The following ITGA4 variants were observed in gnomAD, a reference collection of about 807,000 sequenced individuals.
ITGA4 encodes integrin subunit alpha 4, also known as integrin alpha-4.
A neutral mutation model predicts 133.6 loss-of-function variants in ITGA4; 63 were observed. The observed-to-expected ratio is 0.47, with a 90% CI of 0.38 to 0.58. ITGA4 has a LOEUF of 0.58. ITGA4 is among the 20% of genes least tolerant of loss of function. The pLI is 0.00. For synonymous variants in ITGA4, 483 were observed against 438.0 expected, an observed-to-expected ratio of 1.10 and a Z score of -1.28; for missense variants, 1,076 against 1,252.7, an observed-to-expected ratio of 0.86 and a Z score of 2.13.
Position 181,457,776 on chromosome 2 carries a change from C to A in ITGA4, c.122C>A (p.Ala41Glu), listed in dbSNP as rs901057020. Residue 41 changes from alanine to glutamate, a missense_variant, in exon 1 of 28, where the codon GCG (alanine) becomes GAG (glutamate). This residue lies in a region of ITGA4 where 82 missense variants were observed against 68.3 expected (regional missense o/e 1.20). Transcript: ENST00000397033. ...GRPYNVDTES[A>E]LLYQGPHNTL... is the part of the protein sequence containing the mutation. The stretch of plus-strand genomic sequence containing the variant: ...CCCTACAACGTGGACACTGAGAGCG[C>A]GCTGCTTTACCAGGGCCCCCACAAC... 2 of 1,613,704 alleles carry A rather than the reference C, an allele frequency of 1.2e-6. No homozygotes were observed. Among genetic ancestry groups the A allele is most frequent in the Non-Finnish European group, 1.7e-6 (2 of 1,179,972 alleles).
intron 14 of ITGA4, among the ~76,000 whole-genome samples, chr2:181,497,105 G>C (rs1686172598): frequency 6.6e-6 from 1 of 152,158 alleles, no homozygotes; most frequent in African/African-American, 2.4e-5. Context: ...ATGGCAATTT[G>C]AGAGCCTGAC....
chr2:181,482,684 A>G (rs1664620159), intron 9 of ITGA4, 33 bp downstream of exon 9: 5 of 1,601,776 alleles, frequency 3.1e-6, no homozygotes, highest in African/African-American at 2.7e-5. Context: ...GAAGCCATTT[A>G]TGGAATTATG....
At chr2:181,490,514 T>C (rs1023425620) in intron 10 of ITGA4, among the ~76,000 whole-genome samples, 4 of 149,486 alleles carry the variant, frequency 2.7e-5, no homozygotes, top group Non-Finnish European at 4.5e-5. Context: ...TGTGTGTGTG[T>C]GTGTGTGTGT....
chr2:181,466,544 T>C (rs1465895826), intron 2 of ITGA4, among the ~76,000 whole-genome samples: 1 of 152,128 alleles, frequency 6.6e-6, no homozygotes, highest in Non-Finnish European at 1.5e-5. Context: ...GTTTGGTACT[T>C]TTATGTCCTG....
chr2:181,494,581 TATTTG>T, intron 11 of ITGA4, 136 bp from the exon 12 acceptor site: 3 of 619,552 alleles, frequency 4.8e-6, no homozygotes, highest in South Asian at 3.9e-5. Flanking sequence ...CCCTTAGAAG[TATTTG>T]ATTTAACTAA....
chr2:181,458,311 C>T lies in ITGA4; in HGVS notation c.313C>T (p.Gln105Ter), dbSNP rs1353764477. ...TCCCGGCCAGACGTGCGAACAGCTC[C>T]AGCTGGGTGAGTTGGGTATGGGACC... ...KNPGQTCEQLQLGSPNGEPCG... is the reference protein window; with the variant it reads ...KNPGQTCEQL The change falls in exon 2 of 28, where the codon CAG becomes TAG. Residue 105 changes from glutamine (Q) to a stop codon, truncating the protein, a stop_gained. Transcript: ENST00000397033. LOFTEE classifies it high-confidence loss of function. 2 of 1,611,228 alleles carry T rather than the reference C, an allele frequency of 1.2e-6. No homozygotes were observed. The highest frequency in any genetic ancestry group is 1.7e-6 in the Non-Finnish European group (2 of 1,178,694).
chr2:181,518,701 G>A (rs2105762450), intron 17 of ITGA4, among the ~76,000 whole-genome samples: 1 of 152,110 alleles, frequency 6.6e-6, no homozygotes, highest in South Asian at 2.1e-4. Context: ...TTCTCATAGA[G>A]CTTTATTTAC....
Position 181,486,008 on chromosome 2 carries a change from A to G in ITGA4, c.1153+16A>G, listed in dbSNP as rs1464502895. On this transcript the variant is annotated intron_variant, in intron 10 of 27. Transcript: ENST00000397033. ...GGCTTTGAAGGTAATTAAAATTATC[A>G]AATTGGTACTTGATTTCTGCTTTTA... 11 of 1,570,720 alleles carry G rather than the reference A, an allele frequency of 7.0e-6. No homozygotes were observed. The highest frequency in any genetic ancestry group is 2.3e-5 in the East Asian group (1 of 43,026).
At chr2:181,466,147 A>G (rs913809179) in intron 2 of ITGA4, among the ~76,000 whole-genome samples, 3 of 152,136 alleles carry the variant, frequency 2.0e-5, no homozygotes, top group Non-Finnish European at 4.4e-5. Context: ...ACCTAAAATC[A>G]AACCCAGAAG....
At chr2:181,506,637 GGT>G (rs1370904780) in intron 15 of ITGA4, among the ~76,000 whole-genome samples, 1 of 151,892 alleles carries the variant, frequency 6.6e-6, no homozygotes, top group East Asian at 1.9e-4. Flanking sequence ...TCTTTTATGT[GGT>G]GTGTGTCATC....
chr2:181,499,200 A>G (rs1686219050), intron 15 of ITGA4, among the ~76,000 whole-genome samples: 1 of 152,020 alleles, frequency 6.6e-6, no homozygotes, highest in African/African-American at 2.4e-5. Flanking sequence ...AGAATCCAAC[A>G]TGACTGCTTT....
intron 14 of ITGA4, among the ~76,000 whole-genome samples, chr2:181,497,690 A>G (rs1686182370): frequency 6.6e-6 from 1 of 152,178 alleles, no homozygotes; most frequent in South Asian, 2.1e-4. Flanking sequence ...ACAAATGAAC[A>G]TGTCAAGAAT....
intron 2 of ITGA4, among the ~76,000 whole-genome samples, chr2:181,467,495 A>G (rs997746607): frequency 1.3e-5 from 2 of 152,150 alleles, no homozygotes; most frequent in African/African-American, 4.8e-5. Context: ...AGTTATATAG[A>G]AAGAAGACCT....
At chr2:181,532,820 G>A (rs1006056434) in intron 25 of ITGA4, among the ~76,000 whole-genome samples, 16 of 152,090 alleles carry the variant, frequency 1.1e-4, no homozygotes, top group African/African-American at 3.6e-4. Context: ...GTCTTGTGAC[G>A]GTTTTCAAAG....
chr2:181,482,332 A>T (rs199743492), intron 7 of ITGA4, 28 bp from the exon 8 acceptor site: 5 of 1,573,632 alleles, frequency 3.2e-6, no homozygotes, highest in South Asian at 1.2e-5. Context: ...ATTCCTAAAA[A>T]CTTTTCTAAT....
intron 2 of ITGA4, among the ~76,000 whole-genome samples, chr2:181,467,758 C>T (rs1431089081): frequency 6.6e-6 from 1 of 152,132 alleles, no homozygotes; most frequent in African/African-American, 2.4e-5. Flanking sequence ...GAGTTCTATG[C>T]TATAGAGTGA....
chr2:181,534,844 G>T lies in ITGA4; in HGVS notation c.2912G>T (p.Arg971Ile), dbSNP rs1687024388. 1 of 1,598,058 alleles carries T rather than the reference G, an allele frequency of 6.3e-7. No individual in the cohort carries two copies. Among genetic ancestry groups the T allele is most frequent in the African/African-American group, 1.4e-5 (1 of 73,580 alleles). ...CTACTGGAAGGACTACATCATCAAAGACCCAAACGTTATTTCACCATAGTG... is the reference window on the plus strand; with the variant it reads ...CTACTGGAAGGACTACATCATCAAATACCCAAACGTTATTTCACCATAGTG... ...HVLLEGLHHQ[R>I]PKRYFTIVII... Residue 971 changes from arginine (R) to isoleucine (I), a missense_variant, in exon 27 of 28, where the codon AGA becomes ATA. Coordinates refer to ENST00000397033, the MANE Select transcript of ITGA4 (RefSeq NM_000885.6).
chr2:181,525,348 T>G (rs1380214491), intron 21 of ITGA4, 57 bp downstream of exon 21: 1 of 904,054 alleles, frequency 1.1e-6, no homozygotes, highest in African/African-American at 1.7e-5. Context: ...GTTTCCTTGC[T>G]TCTTACATTA....
chr2:181,477,184 C>T (rs1050091025), intron 4 of ITGA4, among the ~76,000 whole-genome samples: 2 of 151,908 alleles, frequency 1.3e-5, no homozygotes, highest in Non-Finnish European at 2.9e-5. Context: ...TGAAATTGAA[C>T]GCTTATCTTA....
Sources: gnomAD v4.1 joint callset for allele counts (sites outside exome capture counted in the v4.1 genomes callset) on GRCh38, gnomAD v4.1.1 for gene constraint, gnomAD v4.1.1 regional missense constraint, MANE v1.5 for transcripts, NCBI Gene and HGNC (gene_info 2026-07-23, HGNC 2026-07-21) for gene names.